Variants in GRIA4 observed in about 807,000 individuals in gnomAD.
GRIA4 encodes the protein glutamate ionotropic receptor AMPA type subunit 4.
GRIA4 carries 34 observed loss-of-function variants against 104.0 expected under a neutral mutation model. The ratio of observed to expected loss-of-function variants is 0.33; its 90% CI spans 0.25 to 0.44. GRIA4 has a LOEUF of 0.44. GRIA4 is among the 20% of genes least tolerant of loss of function. GRIA4 has a pLI of 1.00. For missense variants in GRIA4, 750 were observed against 1,096.5 expected, an observed-to-expected ratio of 0.68 and a Z score of 4.46; for synonymous variants, 386 against 381.9, an observed-to-expected ratio of 1.01 and a Z score of -0.13.
chr11:105,781,512 T>G (rs1318691763), intron 4 of GRIA4, among the ~76,000 whole-genome samples: 2 of 152,210 alleles, frequency 1.3e-5, no homozygotes, highest in Non-Finnish European at 2.9e-5. Flanking sequence ...ATTTCCTTTT[T>G]ATTTTGATTC....
intron 3 of GRIA4, among the ~76,000 whole-genome samples, chr11:105,736,725 T>A (rs1938972329): frequency 6.6e-6 from 1 of 152,128 alleles, no homozygotes; most frequent in African/African-American, 2.4e-5. Flanking sequence ...GGCTATATTC[T>A]ACTATAAAGT....
intron 10 of GRIA4, 106 bp from the exon 11 acceptor site, chr11:105,918,606 C>T: frequency 1.6e-6 from 1 of 634,102 alleles, no homozygotes; most frequent in South Asian, 1.9e-5. Flanking sequence ...GTATGTGTAC[C>T]AATACTAAAT....
At chr11:105,700,388 A>C (rs1953444043) in intron 3 of GRIA4, among the ~76,000 whole-genome samples, 1 of 152,180 alleles carries the variant, frequency 6.6e-6, no homozygotes. Flanking sequence ...TGCCAGACAC[A>C]TATTGCTAAA....
rs759464644 is a variant in GRIA4 at position 105,753,048 on chromosome 11, C to T, written c.315C>T (p.Thr105=). ...TCTATGATAAGAGGTCGGTACATACCTTGACCTCATTCTGCAGCGCCTTAC... is the reference window on the plus strand; with the variant it reads ...TCTATGATAAGAGGTCGGTACATACTTTGACCTCATTCTGCAGCGCCTTAC... ...FGLYDKRSVH[T]LTSFCSALHI... is the part of the protein sequence containing the mutation. Residue 105 remains threonine, a synonymous_variant, in exon 4 of 17, where the codon ACC becomes ACT. Transcript: ENST00000282499. 1.2e-5 allele frequency: 19 copies of T among 1,612,780 alleles called. No individual in the cohort carries two copies. Among genetic ancestry groups the T allele is most frequent in the Non-Finnish European group, 8.5e-7 (1 of 1,178,920 alleles).
chr11:105,817,180 T>C (rs1291735131), intron 4 of GRIA4, among the ~76,000 whole-genome samples: 1 of 151,978 alleles, frequency 6.6e-6, no homozygotes, highest in Non-Finnish European at 1.5e-5. Flanking sequence ...TGATAGTATC[T>C]ATCTTGTTAG....
chr11:105,650,770 A>G (rs1350556642), intron 3 of GRIA4, among the ~76,000 whole-genome samples: 1 of 152,156 alleles, frequency 6.6e-6, no homozygotes, highest in Non-Finnish European at 1.5e-5. Context: ...ATGGTCCATG[A>G]AATACGTTCA....
At chr11:105,723,441 A>G (rs1462243224) in intron 3 of GRIA4, among the ~76,000 whole-genome samples, 2 of 152,108 alleles carry the variant, frequency 1.3e-5, no homozygotes, top group Non-Finnish European at 2.9e-5. Context: ...AGCATATCTG[A>G]TGTAAAATAA....
intron 3 of GRIA4, among the ~76,000 whole-genome samples, chr11:105,637,683 T>A (rs1951243767): frequency 6.6e-6 from 1 of 152,176 alleles, no homozygotes. Flanking sequence ...CCTGCATGTT[T>A]CAAGGACAGA....
intron 3 of GRIA4, among the ~76,000 whole-genome samples, chr11:105,638,496 G>T (rs1200429086): frequency 6.6e-6 from 1 of 151,706 alleles, no homozygotes; most frequent in Non-Finnish European, 1.5e-5. Context: ...TTCAAATACA[G>T]ATTTTTCTCA....
intron 14 of GRIA4, among the ~76,000 whole-genome samples, chr11:105,943,544 C>T (rs548212472): frequency 1.3e-5 from 2 of 151,976 alleles, no homozygotes; most frequent in African/African-American, 4.8e-5. Context: ...CTAAGGGCAT[C>T]GTAACAACCT....
At chr11:105,851,602 C>T (rs1395999261) in intron 4 of GRIA4, among the ~76,000 whole-genome samples, 1 of 152,116 alleles carries the variant, frequency 6.6e-6, no homozygotes, top group East Asian at 1.9e-4. Flanking sequence ...TAGAAGTTGC[C>T]AGTGAGTGTA....
chr11:105,979,856 G>A lies in GRIA4; in HGVS notation c.*117G>A. ...AAACCAATCCTTTGGCTGAGAGCGGGAAGTCCGTCCTAACGCGCTGGCCGG... is the reference window on the plus strand; with the variant it reads ...AAACCAATCCTTTGGCTGAGAGCGGAAAGTCCGTCCTAACGCGCTGGCCGG... On this transcript the variant is annotated 3_prime_UTR_variant, in exon 17 of 17. Coordinates refer to ENST00000282499, the MANE Select transcript of GRIA4 (RefSeq NM_000829.4). The A allele has an allele frequency of 2.8e-6, 2 of 716,730 alleles. No homozygotes were observed. The highest frequency in any genetic ancestry group is 4.6e-6 in the Non-Finnish European group (2 of 432,322). The allele number at this position is 716,730 out of a possible 1,614,324, so 44.4% of individuals were successfully genotyped here.
intron 4 of GRIA4, among the ~76,000 whole-genome samples, chr11:105,855,157 C>A (rs375966402): frequency 3.9e-5 from 6 of 152,222 alleles, no homozygotes; most frequent in South Asian, 2.1e-4. Flanking sequence ...ATTCATCAAC[C>A]CTTTCCATCC....
chr11:105,964,153 G>C (rs1948804625), intron 14 of GRIA4, among the ~76,000 whole-genome samples: 1 of 152,018 alleles, frequency 6.6e-6, no homozygotes, highest in Non-Finnish European at 1.5e-5. Context: ...ATTTCAATCT[G>C]GTCCTTTGGT....
intron 3 of GRIA4, among the ~76,000 whole-genome samples, chr11:105,619,642 G>C (rs1248713439): frequency 1.3e-5 from 2 of 151,880 alleles, no homozygotes; most frequent in Non-Finnish European, 2.9e-5. Flanking sequence ...TTCACTGATA[G>C]ATTAAAGGAG....
rs946513739 is a variant in GRIA4, at chr11:105,614,224, T to G, written c.247+1790T>G. On this transcript the variant is annotated intron_variant, in intron 3 of 16. Transcript: ENST00000282499. ...AAATTTTGAAAGATTTCCTTACAAG[T>G]GGCAGATATATGTTTTATTTTGTTT... 7.9e-5 allele frequency: 12 copies of G among 151,750 alleles called. No individual in the cohort carries two copies. The South Asian group carries it at 2.3e-3, about 29-fold the overall frequency. The allele number at this position is 151,750 out of a possible 1,614,324, so 9.4% of individuals were successfully genotyped here. A position where few individuals can be genotyped will look rare whatever the true frequency, so the allele number is the denominator to read the frequency against.
Position 105,901,389 on chromosome 11 carries a change from T to A in GRIA4, c.886-2425T>A, listed in dbSNP as rs572340231. 3.6e-4 allele frequency among the ~76,000 whole-genome samples: 55 copies of A among 152,326 alleles called. 1 individual carries two copies. The highest frequency in any genetic ancestry group is 6.5e-4 in the Non-Finnish European group (44 of 68,022). On this transcript the variant is annotated intron_variant, in intron 7 of 16. Coordinates refer to ENST00000282499, the MANE Select transcript of GRIA4 (RefSeq NM_000829.4). Reference sequence around the variant, plus strand: ...GATTCTGCCCAATTCTGTCTTGTTATCTATAAATCTTAGTAAATAGAAATC... The same window carrying A: ...GATTCTGCCCAATTCTGTCTTGTTAACTATAAATCTTAGTAAATAGAAATC...
chr11:105,676,234 A>C (rs1376673986), intron 3 of GRIA4, among the ~76,000 whole-genome samples: 4 of 151,728 alleles, frequency 2.6e-5, no homozygotes, highest in Non-Finnish European at 5.9e-5. Context: ...TTTGGTAACA[A>C]ATATTGTAAT....
intron 8 of GRIA4, 59 bp downstream of exon 8, chr11:105,904,040 T>C: frequency 1.7e-6 from 2 of 1,163,916 alleles, no homozygotes; most frequent in Non-Finnish European, 2.5e-6. Flanking sequence ...AACTGAATGT[T>C]CAAAAAACAG....
Sources: gnomAD v4.1 joint callset for allele counts (sites outside exome capture counted in the v4.1 genomes callset) on GRCh38, gnomAD v4.1.1 for gene constraint, MANE v1.5 for transcripts, NCBI Gene and HGNC (gene_info 2026-07-23, HGNC 2026-07-21) for gene names.